Variants in CCDC126 observed in about 807,000 individuals in gnomAD.
The protein encoded by CCDC126 is coiled-coil domain containing 126, also known as coiled-coil domain-containing protein 126.
CCDC126 carries 5 observed loss-of-function variants against 11.7 expected under a neutral mutation model. That is an observed-to-expected ratio of 0.43 (90% CI 0.22 to 0.90). The LOEUF (loss-of-function observed/expected upper bound fraction) is 0.90, where lower values mean the gene tolerates loss of function less well. Ranked by LOEUF, CCDC126 falls within the 40% of genes least tolerant of loss-of-function variation. The pLI is 0.27. For missense variants in CCDC126, 150 were observed against 163.1 expected, an observed-to-expected ratio of 0.92 and a Z score of 0.44; for synonymous variants, 60 against 61.9, an observed-to-expected ratio of 0.97 and a Z score of 0.14.
At chr7:23,621,154 A>G (rs1336425242) in intron 3 of CCDC126, among the ~76,000 whole-genome samples, 4 of 152,224 alleles carry the variant, frequency 2.6e-5, no homozygotes, top group Admixed American at 1.3e-4. Flanking sequence ...CATTCAATCT[A>G]TAAATTACCT....
intron 3 of CCDC126, among the ~76,000 whole-genome samples, chr7:23,622,196 G>A (rs566896837): frequency 5.3e-4 from 81 of 152,320 alleles, no homozygotes; most frequent in African/African-American, 1.9e-3. Flanking sequence ...ATTCGGCTGT[G>A]ACTCCATCTG....
Position 23,643,311 on chromosome 7 carries a change from G to A in CCDC126, c.*196G>A. 2 of 532,276 alleles carry A rather than the reference G, an allele frequency of 3.8e-6. No homozygotes were observed. Among genetic ancestry groups the A allele is most frequent in the Non-Finnish European group, 6.5e-6 (2 of 308,698 alleles). 33.0% of individuals were successfully genotyped at this position (532,276 alleles called of 1,614,324 possible). ...AAGTTATTTGTTTGCTTTCAGGCAA[G>A]TCTGTTCAATGCTGTACTATGTCCT... On this transcript the variant is annotated 3_prime_UTR_variant, in exon 4 of 4. Transcript: ENST00000307471.
intron 3 of CCDC126, among the ~76,000 whole-genome samples, chr7:23,624,420 G>A (rs930185193): frequency 3.3e-5 from 5 of 152,170 alleles, no homozygotes; most frequent in African/African-American, 7.2e-5. Context: ...TGGGATTACA[G>A]GCATGAGCCA....
chr7:23,599,243 A>G (rs1400131502), intron 2 of CCDC126, among the ~76,000 whole-genome samples: 1 of 152,118 alleles, frequency 6.6e-6, no homozygotes, highest in Non-Finnish European at 1.5e-5. Context: ...GATTCTTCAT[A>G]ACTTTAGCTT....
chr7:23,604,038 CT>C (rs1289870227), intron 2 of CCDC126: 1 of 152,216 alleles, frequency 6.6e-6, no homozygotes, highest in African/African-American at 2.4e-5. Context: ...TGAAATCATT[CT>C]ATCCGAGGTA....
At chr7:23,639,537 C>A (rs571918323) in intron 3 of CCDC126, among the ~76,000 whole-genome samples, 3 of 152,216 alleles carry the variant, frequency 2.0e-5, no homozygotes, top group Admixed American at 6.5e-5. Flanking sequence ...ATGTTTATTT[C>A]TTTTTGGTAC....
At chr7:23,617,367 AAAAAAAAGAAAAGG>A (rs1782812928) in intron 3 of CCDC126, among the ~76,000 whole-genome samples, 1 of 151,424 alleles carries the variant, frequency 6.6e-6, no homozygotes, top group African/African-American at 2.4e-5. Context: ...AAAAAAAAAA[AAAAAAAAGAAAAGG>A]AAAAAAAAAG....
At chr7:23,622,554 C>G (rs1471667274) in intron 3 of CCDC126, 11 of 534,594 alleles carry the variant, frequency 2.1e-5, no homozygotes, top group East Asian at 5.4e-5. Flanking sequence ...AGGTGTATCC[C>G]TTGTGTAACT....
At chr7:23,632,893 A>G (rs182033358) in intron 3 of CCDC126, among the ~76,000 whole-genome samples, 9 of 152,258 alleles carry the variant, frequency 5.9e-5, no homozygotes, top group Admixed American at 5.2e-4. Context: ...ATTATATAGC[A>G]TTTCTTAGGA....
chr7:23,608,013 G>A (rs539553696), intron 2 of CCDC126, among the ~76,000 whole-genome samples: 2 of 152,186 alleles, frequency 1.3e-5, no homozygotes, highest in Admixed American at 6.5e-5. Context: ...CAGGGTGGCC[G>A]AATATACATA....
chr7:23,610,549 A>G (rs1303079053), intron 2 of CCDC126, among the ~76,000 whole-genome samples: 1 of 152,172 alleles, frequency 6.6e-6, no homozygotes, highest in African/African-American at 2.4e-5. Context: ...AATGATCATC[A>G]TTCTTTATGT....
At chr7:23,620,196 C>T (rs1202165271) in intron 3 of CCDC126, among the ~76,000 whole-genome samples, 1 of 152,160 alleles carries the variant, frequency 6.6e-6, no homozygotes, top group African/African-American at 2.4e-5. Flanking sequence ...ACAGTCCCAC[C>T]AACAGTGTAA....
intron 3 of CCDC126, among the ~76,000 whole-genome samples, chr7:23,612,509 A>G (rs1312182727): frequency 6.6e-6 from 1 of 151,010 alleles, no homozygotes; most frequent in Non-Finnish European, 1.5e-5. Flanking sequence ...AAACAAAGAA[A>G]AAAGAAAAAA....
At chr7:23,602,784 A>T (rs1426273738) in intron 2 of CCDC126, among the ~76,000 whole-genome samples, 4 of 151,606 alleles carry the variant, frequency 2.6e-5, no homozygotes, top group African/African-American at 9.7e-5. Context: ...GTTCCAAGAC[A>T]CATCACCATT....
Position 23,643,034 on chromosome 7 carries a change from C to T in CCDC126, c.342C>T (p.Ala114=), listed in dbSNP as rs1030245811. 2.5e-6 allele frequency: 4 copies of T among 1,614,080 alleles called. No homozygotes were observed. The African/African-American group carries it at 5.3e-5, about 22-fold the overall frequency. The change falls in exon 4 of 4, where the codon GCC becomes GCT. Residue 114 remains alanine, a synonymous_variant. Coordinates refer to ENST00000307471, the MANE Select transcript of CCDC126 (RefSeq NM_138771.4). ...VDYIVVNGSA[A]NTTNGTSGNL... is the part of the protein sequence containing the mutation. ...ATATTGTTGTGAATGGCTCAGCAGC[C>T]AACACCACCAATGGTACTAGTGGGA... is the stretch of plus-strand genomic sequence containing the variant.
chr7:23,643,284 TAA>T lies in CCDC126; in HGVS notation c.*171_*172del. The T allele has an allele frequency of 3.3e-6, 2 of 603,878 alleles. No homozygotes were observed. Among genetic ancestry groups the T allele is most frequent in the Non-Finnish European group, 5.4e-6 (2 of 366,992 alleles). 37.4% of individuals were successfully genotyped at this position (603,878 alleles called of 1,614,324 possible). A position where few individuals can be genotyped will look rare whatever the true frequency, so the allele number is the denominator to read the frequency against. ...ACTCTAATTCTGTACATAAAAATTT[TAA>T]AGTTATTTGTTTGCTTTCAGGCAAG... On this transcript the variant is annotated 3_prime_UTR_variant, in exon 4 of 4. Coordinates refer to ENST00000307471, the MANE Select transcript of CCDC126 (RefSeq NM_138771.4).
intron 3 of CCDC126, among the ~76,000 whole-genome samples, chr7:23,616,685 T>C (rs948070137): frequency 7.9e-5 from 12 of 152,310 alleles, no homozygotes; most frequent in Admixed American, 2.0e-4. Context: ...TTTATCCTTT[T>C]TATGTGACTT....
At chr7:23,621,579 C>G (rs969426640) in intron 3 of CCDC126, among the ~76,000 whole-genome samples, 3 of 152,198 alleles carry the variant, frequency 2.0e-5, no homozygotes, top group African/African-American at 7.2e-5. Context: ...ATTTCTTTCT[C>G]CTGCCTGATT....
In CCDC126 at chr7:23,637,065, G is replaced by A. The variant is rs1282218747; in HGVS notation, c.239-5866G>A. On this transcript the variant is annotated intron_variant, in intron 3 of 3. Coordinates refer to ENST00000307471, the MANE Select transcript of CCDC126 (RefSeq NM_138771.4). ...CCCCGCCCGGCCAGCCGCCCCGTCCGGGAGGGAGGTGGTGGGGGTCAGCCC... is the reference window on the plus strand; with the variant it reads ...CCCCGCCCGGCCAGCCGCCCCGTCCAGGAGGGAGGTGGTGGGGGTCAGCCC... Among the ~76,000 whole-genome samples the A allele has an allele frequency of 1.2e-4, 11 of 95,508 alleles. 1 individual carries two copies. The highest frequency in any genetic ancestry group is 4.5e-4 in the African/African-American group (10 of 22,052). 62.7% of individuals were successfully genotyped at this position (95,508 alleles called of 152,430 possible).
Sources: gnomAD v4.1 joint callset for allele counts (sites outside exome capture counted in the v4.1 genomes callset) on GRCh38, gnomAD v4.1.1 for gene constraint, MANE v1.5 for transcripts, NCBI Gene and HGNC (gene_info 2026-07-23, HGNC 2026-07-21) for gene names.